The following RBFOX1 variants were observed in gnomAD, a reference collection of about 807,000 sequenced individuals.
RBFOX1 encodes RNA binding protein fox-1 homolog 1.
In RBFOX1, 8 loss-of-function variants were observed where a neutral mutation model predicts 57.7. The ratio of observed to expected loss-of-function variants is 0.14; its 90% CI spans 0.08 to 0.25. The LOEUF is 0.25. Among genes scored for constraint, RBFOX1 ranks in the 10% least tolerant of loss-of-function variants. RBFOX1 has a pLI of 1.00. For synonymous variants in RBFOX1, 326 were observed against 222.4 expected, an observed-to-expected ratio of 1.47 and a Z score of -4.15; for missense variants, 611 against 548.5, an observed-to-expected ratio of 1.11 and a Z score of -1.14.
rs568020471 is a variant in RBFOX1 at position 6,878,227 on chromosome 16, G to A, written c.-15-173830G>A. Among the ~76,000 whole-genome samples the A allele has an allele frequency of 5.9e-5, 9 of 152,256 alleles. No individual in the cohort carries two copies. The South Asian group carries it at 1.0e-3, about 18-fold the overall frequency. ...ATGCAGGCTCATCAACAAAGATTCC[G>A]TTTCTTCCCTGCTGAGCACTGCTTG... On this transcript the variant is annotated intron_variant, in intron 3 of 15. Coordinates refer to ENST00000550418, the MANE Select transcript of RBFOX1 (RefSeq NM_018723.4).
chr16:7,424,545 C>T (rs1303441443), intron 4 of RBFOX1, among the ~76,000 whole-genome samples: 2 of 152,194 alleles, frequency 1.3e-5, no homozygotes, highest in East Asian at 3.9e-4. Flanking sequence ...CAGGTGTGAA[C>T]CACCTCACCT....
chr16:7,301,777 G>C (rs1201765743), intron 4 of RBFOX1, among the ~76,000 whole-genome samples: 1 of 152,114 alleles, frequency 6.6e-6, no homozygotes, highest in East Asian at 1.9e-4. Flanking sequence ...GTGCGAACCC[G>C]TCCGTACAGC....
intron 2 of RBFOX1, among the ~76,000 whole-genome samples, chr16:6,588,905 T>G (rs532928627): frequency 1.3e-5 from 2 of 152,280 alleles, no homozygotes; most frequent in Admixed American, 1.3e-4. Context: ...GTAAAGTTGG[T>G]CACTGGGTAA....
chr16:6,709,789 G>A (rs915220935), intron 3 of RBFOX1, among the ~76,000 whole-genome samples: 5 of 152,046 alleles, frequency 3.3e-5, no homozygotes, highest in Non-Finnish European at 7.4e-5. Context: ...GAGATACTGC[G>A]GCAAGTATCT....
At chr16:5,836,337 C>A (rs2056455702) in intron 3 of RBFOX1, among the ~76,000 whole-genome samples, 2 of 152,138 alleles carry the variant, frequency 1.3e-5, no homozygotes, top group Admixed American at 6.5e-5. Flanking sequence ...AGACCCTTTG[C>A]CTGGCAGTGG....
At chr16:6,206,932 C>G (rs2344666) in intron 1 of RBFOX1, among the ~76,000 whole-genome samples, 149,152 of 152,056 alleles carry the variant, frequency 0.98, 73,210 homozygotes, top group East Asian at 1. Flanking sequence ...TGGTGAGCAC[C>G]TTGTAATACA....
chr16:6,416,520 A>T (rs557017260), intron 2 of RBFOX1, among the ~76,000 whole-genome samples: 1 of 151,408 alleles, frequency 6.6e-6, no homozygotes, highest in South Asian at 2.1e-4. Flanking sequence ...ACTGAAAGAG[A>T]TTGTATTAAT....
intron 15 of RBFOX1, chr16:7,710,269 G>C (rs897324055): frequency 1.8e-6 from 2 of 1,106,026 alleles, no homozygotes; most frequent in Non-Finnish European, 2.2e-6. Flanking sequence ...ATGTGTTGGA[G>C]AGTTGAATTA....
At chr16:6,472,765 G>A (rs544506223) in intron 2 of RBFOX1, among the ~76,000 whole-genome samples, 2 of 152,084 alleles carry the variant, frequency 1.3e-5, no homozygotes, top group Admixed American at 1.3e-4. Flanking sequence ...TGGGATTACA[G>A]GCGTGCGCCA....
In RBFOX1 at chr16:7,326,480, G is replaced by C. The variant is rs866911880; in HGVS notation, c.28-191667G>C. ...GTTGGTGGGGCACTGAAGACAGACA[G>C]AGCTGCCATGATGAGCAGAGAGATG... is the stretch of plus-strand genomic sequence containing the variant. On this transcript the variant is annotated intron_variant, in intron 4 of 15. Coordinates refer to ENST00000550418, the MANE Select transcript of RBFOX1 (RefSeq NM_018723.4). Among the ~76,000 whole-genome samples, 13 of 152,230 alleles carry C rather than the reference G, an allele frequency of 8.5e-5. No homozygotes were observed. The South Asian group carries it at 2.3e-3, about 27-fold the overall frequency.
At chr16:5,392,990 T>C (rs369276449) in intron 1 of RBFOX1, among the ~76,000 whole-genome samples, 12 of 152,220 alleles carry the variant, frequency 7.9e-5, no homozygotes, top group African/African-American at 2.9e-4. Flanking sequence ...TTGAGTGGGA[T>C]GTGGTACCCC....
intron 4 of RBFOX1, among the ~76,000 whole-genome samples, chr16:7,234,924 A>C (rs1208325286): frequency 6.6e-6 from 1 of 152,000 alleles, no homozygotes; most frequent in Non-Finnish European, 1.5e-5. Context: ...ATTTTCAGAG[A>C]CTTACTGTAG....
At chr16:5,528,753 G>A (rs1388677508) in intron 2 of RBFOX1, among the ~76,000 whole-genome samples, 3 of 151,284 alleles carry the variant, frequency 2.0e-5, no homozygotes, top group Admixed American at 6.6e-5. Flanking sequence ...AGGTTCAAGC[G>A]ATTCTCCTGC....
At chr16:5,676,657 C>G (rs776281838) in intron 3 of RBFOX1, among the ~76,000 whole-genome samples, 3 of 152,116 alleles carry the variant, frequency 2.0e-5, no homozygotes, top group Non-Finnish European at 2.9e-5. Flanking sequence ...GGCCAGGAGT[C>G]TGAGGCCAGC....
chr16:6,452,386 T>C (rs543041779), intron 2 of RBFOX1, among the ~76,000 whole-genome samples: 125 of 146,052 alleles, frequency 8.6e-4, no homozygotes, highest in African/African-American at 3.1e-3. Flanking sequence ...TTTCCATGTC[T>C]CTTTTCCTTC....
intron 1 of RBFOX1, among the ~76,000 whole-genome samples, chr16:5,394,984 C>A (rs1162285223): frequency 6.6e-6 from 1 of 152,192 alleles, no homozygotes; most frequent in Non-Finnish European, 1.5e-5. Flanking sequence ...TGCCCTCTGG[C>A]CTGTACCTTC....
chr16:7,179,444 G>C (rs530321247), intron 4 of RBFOX1, among the ~76,000 whole-genome samples: 1 of 152,000 alleles, frequency 6.6e-6, no homozygotes. Context: ...AATTTGTCTG[G>C]CCTCCTCTTG....
rs554284208 is a variant in RBFOX1, at chr16:7,607,039, G to T, written c.623-246G>T. Among the ~76,000 whole-genome samples the T allele has an allele frequency of 7.9e-5, 12 of 152,208 alleles. No individual in the cohort carries two copies. The East Asian group carries it at 2.3e-3, about 29-fold the overall frequency. ...TTAATTACCATGTCATTTTCAAAGG[G>T]TTCACTTGTGGCTGGTCAGTAGTTT... On this transcript the variant is annotated intron_variant, in intron 9 of 15. Transcript: ENST00000550418.
intron 3 of RBFOX1, among the ~76,000 whole-genome samples, chr16:5,638,690 T>C (rs1398534472): frequency 6.6e-6 from 1 of 152,190 alleles, no homozygotes; most frequent in African/African-American, 2.4e-5. Flanking sequence ...AGGAAGGGAA[T>C]AGAATTTCCA....
Sources: allele counts gnomAD v4.1 joint callset (sites outside exome capture counted in the v4.1 genomes callset), GRCh38; gene constraint gnomAD v4.1.1; transcripts MANE v1.5; gene names NCBI Gene and HGNC (gene_info 2026-07-23, HGNC 2026-07-21).